NLGN1: variants seen among roughly 807,000 people sequenced by gnomAD.
NLGN1 encodes neuroligin 1.
NLGN1 carries 12 observed loss-of-function variants against 65.5 expected under a neutral mutation model. The observed-to-expected ratio is 0.18, with a 90% confidence interval of 0.12 to 0.30. The LOEUF is 0.30. NLGN1 is among the 10% of genes least tolerant of loss of function. The pLI is 1.00. For synonymous variants in NLGN1, 350 were observed against 359.5 expected, an observed-to-expected ratio of 0.97 and a Z score of 0.30; for missense variants, 750 against 1,007.1, an observed-to-expected ratio of 0.74 and a Z score of 3.46.
chr3:173,839,572 G>A (rs139971914), intron 4 of NLGN1, among the ~76,000 whole-genome samples: 3,884 of 152,038 alleles, frequency 0.026, 187 homozygotes, highest in African/African-American at 0.087. Context: ...ACAGGCATGC[G>A]CCATCACGCC....
chr3:174,130,313 G>T (rs756163721), intron 4 of NLGN1, among the ~76,000 whole-genome samples: 1 of 152,200 alleles, frequency 6.6e-6, no homozygotes, highest in South Asian at 2.1e-4. Flanking sequence ...GGCAGAGGTT[G>T]CAGTGAGCCG....
At chr3:173,592,715 T>TA (rs1272995962) in intron 2 of NLGN1, among the ~76,000 whole-genome samples, 1 of 152,214 alleles carries the variant, frequency 6.6e-6, no homozygotes, top group African/African-American at 2.4e-5. Context: ...TCTGAGGACT[T>TA]ACAATGTAAT....
intron 1 of NLGN1, chr3:173,399,848 C>T (rs1186143042): frequency 6.6e-6 from 1 of 152,126 alleles, no homozygotes. Context: ...TTTTCACATA[C>T]ATTTTAATGC....
At chr3:173,794,111 C>A (rs1254253301) in intron 3 of NLGN1, among the ~76,000 whole-genome samples, 1 of 152,006 alleles carries the variant, frequency 6.6e-6, no homozygotes, top group Non-Finnish European at 1.5e-5. Context: ...CTCCTCATAC[C>A]CAGCCCTTTG....
intron 3 of NLGN1, among the ~76,000 whole-genome samples, chr3:173,684,732 GT>G (rs1237941039): frequency 1.3e-5 from 2 of 152,144 alleles, no homozygotes; most frequent in East Asian, 3.9e-4. Flanking sequence ...TTTACATGAA[GT>G]GTTTCATGAT....
chr3:173,966,737 A>G (rs1459241474), intron 4 of NLGN1, among the ~76,000 whole-genome samples: 2 of 152,192 alleles, frequency 1.3e-5, no homozygotes, highest in Non-Finnish European at 2.9e-5. Flanking sequence ...ATAATATAAA[A>G]ATAGACAAAA....
chr3:174,292,284 A>G, the NLGN1 span, among the ~76,000 whole-genome samples: 11 of 151,304 alleles, frequency 7.3e-5, no homozygotes, highest in African/African-American at 2.2e-4. Context: ...TTCTTACTGT[A>G]AAAAATTCAC....
intron 4 of NLGN1, among the ~76,000 whole-genome samples, chr3:174,121,686 A>G (rs1717808491): frequency 1.3e-5 from 2 of 152,210 alleles, no homozygotes; most frequent in Non-Finnish European, 2.9e-5. Flanking sequence ...TGAATTTTTT[A>G]TCAAAAAATA....
intron 4 of NLGN1, among the ~76,000 whole-genome samples, chr3:174,141,629 T>C (rs1201260014): frequency 2.0e-5 from 3 of 152,194 alleles, no homozygotes; most frequent in Non-Finnish European, 2.9e-5. Context: ...GGTGGTTCAT[T>C]AAGTCAACAA....
intron 2 of NLGN1, among the ~76,000 whole-genome samples, chr3:173,567,962 A>AT (rs925981555): frequency 1.3e-5 from 2 of 152,132 alleles, no homozygotes; most frequent in Non-Finnish European, 2.9e-5. Flanking sequence ...ATTTTTATTC[A>AT]TTTTTTATTT....
At chr3:174,003,979 C>G (rs1553912298) in intron 4 of NLGN1, among the ~76,000 whole-genome samples, 1 of 152,134 alleles carries the variant, frequency 6.6e-6, no homozygotes, top group Non-Finnish European at 1.5e-5. Context: ...AATCTTAATG[C>G]TGGAATAAAC....
At chr3:173,945,595 A>G (rs1021801595) in intron 4 of NLGN1, among the ~76,000 whole-genome samples, 1 of 152,186 alleles carries the variant, frequency 6.6e-6, no homozygotes, top group African/African-American at 2.4e-5. Context: ...CATATTTTCA[A>G]TGCCAGTGAA....
chr3:174,093,140 T>C (rs934107792), intron 4 of NLGN1, among the ~76,000 whole-genome samples: 20 of 152,318 alleles, frequency 1.3e-4, no homozygotes, highest in East Asian at 7.7e-4. Context: ...TCTAAAGGAA[T>C]ACAATCTTCC....
chr3:173,710,413 T>A (rs1331321783), intron 3 of NLGN1, among the ~76,000 whole-genome samples: 5 of 152,226 alleles, frequency 3.3e-5, no homozygotes, highest in Non-Finnish European at 7.3e-5. Flanking sequence ...AACTTGACTG[T>A]CTTGCATAGT....
intron 1 of NLGN1, among the ~76,000 whole-genome samples, chr3:173,420,233 C>T (rs1334055691): frequency 6.6e-6 from 1 of 152,098 alleles, no homozygotes; most frequent in Non-Finnish European, 1.5e-5. Context: ...CCACTCCTCC[C>T]ACCCCACAAC....
At chr3:173,508,021 G>T (rs1419472308) in intron 2 of NLGN1, among the ~76,000 whole-genome samples, 3 of 152,164 alleles carry the variant, frequency 2.0e-5, no homozygotes, top group African/African-American at 7.2e-5. Context: ...GTTAGTGATA[G>T]AATTAGTGTG....
chr3:173,711,887 A>G (rs1472251798), intron 3 of NLGN1, among the ~76,000 whole-genome samples: 6 of 152,190 alleles, frequency 3.9e-5, no homozygotes, highest in Non-Finnish European at 5.9e-5. Context: ...GCTTTCCCAG[A>G]GTACGGACAG....
intron 4 of NLGN1, among the ~76,000 whole-genome samples, chr3:174,168,885 T>C (rs1040656000): frequency 1.3e-5 from 2 of 152,108 alleles, no homozygotes; most frequent in African/African-American, 4.8e-5. Context: ...AGCTCCAAGT[T>C]CTCTGCATGG....
chr3:173,961,186 A>G (rs1023063907), intron 4 of NLGN1, among the ~76,000 whole-genome samples: 17 of 152,082 alleles, frequency 1.1e-4, no homozygotes, highest in African/African-American at 3.6e-4. Flanking sequence ...TATACAGTAT[A>G]TGTTTTTTCC....
Sources: gnomAD v4.1 joint callset for allele counts (sites outside exome capture counted in the v4.1 genomes callset) on GRCh38, gnomAD v4.1.1 for gene constraint, MANE v1.5 for transcripts, NCBI Gene and HGNC (gene_info 2026-07-23, HGNC 2026-07-21) for gene names.